Variants in ATP9B observed in about 807,000 individuals in gnomAD.
The protein encoded by ATP9B is probable phospholipid-transporting ATPase IIB.
In ATP9B, 110 loss-of-function variants were observed where a neutral mutation model predicts 146.1. The observed-to-expected ratio is 0.75, with a 90% CI of 0.65 to 0.88. The LOEUF (loss-of-function observed/expected upper bound fraction) is 0.88. ATP9B is among the 40% of genes least tolerant of loss of function. ATP9B has a pLI of 0.00. For synonymous variants in ATP9B, 604 were observed against 569.7 expected, an observed-to-expected ratio of 1.06 and a Z score of -0.86; for missense variants, 1,499 against 1,496.4, an observed-to-expected ratio of 1.00 and a Z score of -0.03.
intron 1 of ATP9B, among the ~76,000 whole-genome samples, chr18:79,090,649 G>C (rs1324080070): frequency 1.3e-5 from 2 of 152,142 alleles, no homozygotes; most frequent in African/African-American, 4.8e-5. Flanking sequence ...AGTTGTTTGA[G>C]CTCCTTATAA....
At chr18:79,313,034 G>A (rs2096661416) in intron 15 of ATP9B, among the ~76,000 whole-genome samples, 1 of 152,196 alleles carries the variant, frequency 6.6e-6, no homozygotes, top group African/African-American at 2.4e-5. Context: ...TCAGCGCGCT[G>A]TTGGCTACAC....
chr18:79,227,199 C>T (rs2095744318), intron 11 of ATP9B, among the ~76,000 whole-genome samples: 1 of 151,946 alleles, frequency 6.6e-6, no homozygotes, highest in African/African-American at 2.4e-5. Context: ...TTTTTACTTC[C>T]ACAGACAGAT....
At chr18:79,360,510 C>T (rs2096981692) in intron 26 of ATP9B, 2 of 152,100 alleles carry the variant, frequency 1.3e-5, no homozygotes, top group South Asian at 4.1e-4. Flanking sequence ...AACTAACAAA[C>T]GATACTCTAT....
In ATP9B at chr18:79,126,368, A is replaced by G; in HGVS notation, c.660A>G (p.Thr220=). 1 of 1,608,508 alleles carries G rather than the reference A, an allele frequency of 6.2e-7. No homozygotes were observed. The highest frequency in any genetic ancestry group is 8.5e-7 in the Non-Finnish European group (1 of 1,176,302). ...EVNSQLYSKL[T]VRGKVQVKSS... ...ATTCACAACTATATAGCAAGCTTAC[A>G]GTAAGAGGTCAGCAAGATGCTTTAA... Residue 220 remains threonine, a synonymous_variant, in exon 5 of 30, where the codon ACA becomes ACG. Coordinates refer to ENST00000426216, the MANE Select transcript of ATP9B (RefSeq NM_198531.5).
intron 11 of ATP9B, among the ~76,000 whole-genome samples, chr18:79,226,381 C>G (rs1468755210): frequency 6.6e-6 from 1 of 152,208 alleles, no homozygotes; most frequent in African/African-American, 2.4e-5. Flanking sequence ...CTGTGGCCAC[C>G]ACAGCGCATC....
intron 14 of ATP9B, among the ~76,000 whole-genome samples, chr18:79,304,346 T>C (rs747857418): frequency 2.0e-5 from 3 of 152,210 alleles, no homozygotes; most frequent in Non-Finnish European, 4.4e-5. Flanking sequence ...GAACAGGAAT[T>C]AGAGGTTGAG....
intron 25 of ATP9B, among the ~76,000 whole-genome samples, chr18:79,350,027 G>A (rs1276428396): frequency 6.6e-6 from 1 of 151,938 alleles, no homozygotes; most frequent in Admixed American, 6.6e-5. Flanking sequence ...CTGTGAGTTT[G>A]TCAGCGTGAA....
At chr18:79,368,531 T>C (rs2097049287) in intron 26 of ATP9B, among the ~76,000 whole-genome samples, 1 of 152,228 alleles carries the variant, frequency 6.6e-6, no homozygotes. Context: ...GTGCACACTC[T>C]CTGCTTGGTG....
chr18:79,373,624 G>A (rs1484246295), intron 27 of ATP9B, among the ~76,000 whole-genome samples: 1 of 151,990 alleles, frequency 6.6e-6, no homozygotes, highest in Non-Finnish European at 1.5e-5. Context: ...CCAGTAGCTG[G>A]GATTACAGGT....
intron 11 of ATP9B, among the ~76,000 whole-genome samples, chr18:79,229,277 G>A (rs2095766196): frequency 6.6e-6 from 1 of 152,104 alleles, no homozygotes; most frequent in Non-Finnish European, 1.5e-5. Flanking sequence ...ACCACATAAG[G>A]TTCATTAACC....
intron 19 of ATP9B, 96 bp from the exon 20 acceptor site, chr18:79,342,172 T>C: frequency 1.2e-6 from 1 of 863,938 alleles, no homozygotes; most frequent in Non-Finnish European, 2.0e-6. Flanking sequence ...GGCACCTGGG[T>C]TGCTTCCACC....
rs188165771 is a variant in ATP9B, at chr18:79,137,361, T to G, written c.668-6441T>G. Among the ~76,000 whole-genome samples, 189 of 152,306 alleles carry G rather than the reference T, an allele frequency of 1.2e-3. 1 individual carries two copies. The highest frequency in any genetic ancestry group is 4.5e-3 in the African/African-American group (189 of 41,564). ...TATTGGATGTCAGACATTGTGAATT[T>G]TATCTTTTTGGGTGGTGGATATTTT... On this transcript the variant is annotated intron_variant, in intron 5 of 29. Transcript: ENST00000426216.
rs558943516 is a variant in ATP9B, at chr18:79,251,725, G to A, written c.1108-1656G>A. On this transcript the variant is annotated intron_variant, in intron 11 of 29. Transcript: ENST00000426216. ...ATATATGAGTTGTGGGAAAAGGCTA[G>A]CTTTCTATTGGGCAAAGTTGCAGAT... is the stretch of plus-strand genomic sequence containing the variant. Among the ~76,000 whole-genome samples the A allele has an allele frequency of 1.6e-4, 25 of 152,308 alleles. 1 individual carries two copies. In the South Asian group the frequency reaches 5.2e-3, roughly 32 times the overall value.
At chr18:79,300,161 G>T (rs183632908) in intron 13 of ATP9B, among the ~76,000 whole-genome samples, 1 of 152,232 alleles carries the variant, frequency 6.6e-6, no homozygotes, top group Non-Finnish European at 1.5e-5. Flanking sequence ...AGGGCAGAGC[G>T]AAGGAGCTTC....
intron 6 of ATP9B, among the ~76,000 whole-genome samples, chr18:79,153,177 A>G (rs1474787046): frequency 6.6e-6 from 1 of 152,126 alleles, no homozygotes; most frequent in East Asian, 1.9e-4. Context: ...TTTATTTACC[A>G]TGGGTAGATA....
intron 11 of ATP9B, among the ~76,000 whole-genome samples, chr18:79,219,521 A>G (rs2095658654): frequency 6.7e-6 from 1 of 150,214 alleles, no homozygotes; most frequent in Non-Finnish European, 1.5e-5. Context: ...ATCCAGTAGT[A>G]ACTTAAACAG....
At chr18:79,131,101 CAATG>C (rs1382403411) in intron 5 of ATP9B, among the ~76,000 whole-genome samples, 21 of 151,966 alleles carry the variant, frequency 1.4e-4, no homozygotes, top group Admixed American at 1.4e-3. Flanking sequence ...GCAGAGGTTG[CAATG>C]AGCTGAGATC....
At chr18:79,350,294 G>C (rs1039689356) in intron 25 of ATP9B, among the ~76,000 whole-genome samples, 7 of 152,246 alleles carry the variant, frequency 4.6e-5, no homozygotes, top group African/African-American at 1.4e-4. Context: ...GTGTCTTCAG[G>C]CTTCTCTCAC....
chr18:79,359,431 T>C lies in ATP9B; in HGVS notation c.2981T>C (p.Leu994Pro). 1 of 1,614,016 alleles carries C rather than the reference T, an allele frequency of 6.2e-7. No individual in the cohort carries two copies. Among genetic ancestry groups the C allele is most frequent in the Non-Finnish European group, 8.5e-7 (1 of 1,179,896 alleles). Residue 994 changes from leucine (L) to proline (P), a missense_variant, in exon 26 of 30, where the codon CTC becomes CCC. Leu to Pro is a moderately conservative substitution (Grantham distance 98). Transcript: ENST00000426216. Reference protein sequence around the residue: ...DQDVKPEMAMLYPELYKDLTK... With the variant: ...DQDVKPEMAMPYPELYKDLTK... Reference sequence around the variant, plus strand: ...GACGTGAAGCCAGAGATGGCGATGCTCTACCCGGAGCTGTACAAGGACCTC... The same window carrying C: ...GACGTGAAGCCAGAGATGGCGATGCCCTACCCGGAGCTGTACAAGGACCTC...
Sources: gnomAD v4.1 joint callset for allele counts (sites outside exome capture counted in the v4.1 genomes callset) on GRCh38, gnomAD v4.1.1 for gene constraint, MANE v1.5 for transcripts, NCBI Gene and HGNC (gene_info 2026-07-23, HGNC 2026-07-21) for gene names.